Variants in SF3B1 observed in about 807,000 individuals in gnomAD.
The protein encoded by SF3B1 is splicing factor 3b subunit 1.
Under a neutral mutation model 153.8 loss-of-function variants are expected in SF3B1, and 12 were observed. The ratio of observed to expected loss-of-function variants is 0.08; its 90% CI spans 0.05 to 0.13. SF3B1 has a LOEUF of 0.13. Ranked by LOEUF, SF3B1 falls within the 10% of genes least tolerant of loss-of-function variation. The pLI is 1.00. For missense variants in SF3B1, 513 were observed against 1,606.1 expected, an observed-to-expected ratio of 0.32 and a Z score of 11.63; for synonymous variants, 498 against 525.2, an observed-to-expected ratio of 0.95 and a Z score of 0.71.
At chr2:197,398,663 T>C (rs2084902931) in intron 20 of SF3B1, 82 bp from the exon 21 acceptor site, 2 of 1,256,064 alleles carry the variant, frequency 1.6e-6, no homozygotes, top group South Asian at 1.3e-5. Context: ...ATGTCATATA[T>C]GACTATGTAT....
rs778101685 is a variant in SF3B1, at chr2:197,405,142, C to T, written c.1473G>A (p.Glu491=). 6.2e-7 allele frequency: 1 copy of T among 1,611,604 alleles called. No homozygotes were observed. The highest frequency in any genetic ancestry group is 2.2e-5 in the East Asian group (1 of 44,788). The part of the protein sequence containing the change: ...DVDESTLSPE[E]QKERKIMKLL... ...ACTTCATTATTTTTCTCTCTTTTTGCTCTTCTGGACTAAGTGTTGATTCAT... is the reference window on the plus strand; with the variant it reads ...ACTTCATTATTTTTCTCTCTTTTTGTTCTTCTGGACTAAGTGTTGATTCAT... The change falls in exon 11 of 25, where the codon GAG becomes GAA. Residue 491 remains glutamate (E), a synonymous_variant. Coordinates refer to ENST00000335508, the MANE Select transcript of SF3B1 (RefSeq NM_012433.4).
chr2:197,407,124 A>G (rs967995315), intron 9 of SF3B1, among the ~76,000 whole-genome samples: 2 of 152,062 alleles, frequency 1.3e-5, no homozygotes, highest in Admixed American at 1.3e-4. Flanking sequence ...ATACTCATGA[A>G]CTGTTAAAAA....
intron 5 of SF3B1, among the ~76,000 whole-genome samples, chr2:197,417,138 T>C (rs2085159682): frequency 6.6e-6 from 1 of 152,188 alleles, no homozygotes; most frequent in African/African-American, 2.4e-5. Flanking sequence ...ATTCGTAACA[T>C]AGCACACTGT....
chr2:197,432,827 C>T (rs1044705252), intron 1 of SF3B1, among the ~76,000 whole-genome samples: 3 of 152,022 alleles, frequency 2.0e-5, no homozygotes, highest in African/African-American at 4.8e-5. Context: ...GATTGCACCA[C>T]TGCACTTCTG....
Position 197,403,945 on chromosome 2 carries a change from T to C in SF3B1, c.1540-181A>G, listed in dbSNP as rs77199573. Among the ~76,000 whole-genome samples the C allele has an allele frequency of 6.0e-3, 914 of 152,350 alleles. 4 individuals are homozygous for C. Among genetic ancestry groups the C allele is most frequent in the African/African-American group, 0.021 (872 of 41,572 alleles). On this transcript the variant is annotated intron_variant, in intron 11 of 24. Coordinates refer to ENST00000335508, the MANE Select transcript of SF3B1 (RefSeq NM_012433.4). ...TACTCTGGAATTTCAATTCCTGTGA[T>C]AGAAATTTTATGTTAACTCAAAAGA...
rs2085345872 is a variant in SF3B1, at chr2:197,426,948, A to T, written c.29-2974T>A. 3.9e-5 allele frequency among the ~76,000 whole-genome samples: 6 copies of T among 152,304 alleles called. No individual in the cohort carries two copies. In the South Asian group the frequency reaches 1.2e-3, roughly 32 times the overall value. On this transcript the variant is annotated intron_variant, in intron 1 of 24. Transcript: ENST00000335508. ...ACTTGCTTTTTCCCCCTTATCAGGC[A>T]TCTCTCTTATTTTCCATCTAAACAA...
intron 6 of SF3B1, among the ~76,000 whole-genome samples, chr2:197,414,337 G>T (rs2085116417): frequency 6.6e-6 from 1 of 152,164 alleles, no homozygotes; most frequent in African/African-American, 2.4e-5. Context: ...GGTACATAAA[G>T]ACAAGAATGA....
intron 6 of SF3B1, among the ~76,000 whole-genome samples, chr2:197,412,455 A>C (rs1463962138): frequency 2.0e-5 from 3 of 151,526 alleles, no homozygotes; most frequent in Admixed American, 2.0e-4. Flanking sequence ...TCCCGGGTTC[A>C]AGCGATTCTC....
intron 22 of SF3B1, 155 bp downstream of exon 22, chr2:197,397,830 C>T: frequency 2.0e-6 from 1 of 497,052 alleles, no homozygotes; most frequent in Non-Finnish European, 3.5e-6. Flanking sequence ...CAATACATTC[C>T]AATAATCAGA....
Position 197,393,618 on chromosome 2 carries a change from A to G in SF3B1, c.3540-430T>C, listed in dbSNP as rs567657542. On this transcript the variant is annotated intron_variant, in intron 23 of 24. Coordinates refer to ENST00000335508, the MANE Select transcript of SF3B1 (RefSeq NM_012433.4). ...CAGGTGTGTGCCACCACGCCTGCCT[A>G]ATTTTTGTATTTTTAGTAGAGACAG... 8.6e-5 allele frequency among the ~76,000 whole-genome samples: 13 copies of G among 151,876 alleles called. No individual in the cohort carries two copies. In the East Asian group the frequency reaches 2.1e-3, roughly 25 times the overall value.
At chr2:197,423,668 G>A in intron 2 of SF3B1, 140 bp downstream of exon 2, 1 of 719,738 alleles carries the variant, frequency 1.4e-6, no homozygotes, top group Non-Finnish European at 2.3e-6. Flanking sequence ...ACCTTAGAGA[G>A]GATACCTCCA....
intron 6 of SF3B1, among the ~76,000 whole-genome samples, chr2:197,410,347 C>T (rs979277833): frequency 6.6e-6 from 1 of 152,076 alleles, no homozygotes; most frequent in African/African-American, 2.4e-5. Context: ...CGAAGGCTTT[C>T]AGCTCTAATT....
At position 197,392,130 on chromosome 2, in the gene SF3B1, T is replaced by G; in HGVS notation, c.*173A>C. The G allele has an allele frequency of 2.2e-6, 1 of 447,654 alleles. No individual in the cohort carries two copies. The allele number at this position is 447,654 out of a possible 1,614,324, so 27.7% of individuals were successfully genotyped here. On this transcript the variant is annotated 3_prime_UTR_variant, in exon 25 of 25. Transcript: ENST00000335508. ...TCTTGGTCACTACTGGCATTTACTGTTTAACATCAAAAACAAAGACAGGTT... is the reference window on the plus strand; with the variant it reads ...TCTTGGTCACTACTGGCATTTACTGGTTAACATCAAAAACAAAGACAGGTT...
At chr2:197,433,927 T>C (rs1258444901) in intron 1 of SF3B1, among the ~76,000 whole-genome samples, 1 of 152,198 alleles carries the variant, frequency 6.6e-6, no homozygotes, top group Non-Finnish European at 1.5e-5. Flanking sequence ...AATCATTCCG[T>C]TACCCAGGTT....
intron 3 of SF3B1, among the ~76,000 whole-genome samples, chr2:197,420,814 T>C (rs942513877): frequency 1.3e-5 from 2 of 152,026 alleles, no homozygotes; most frequent in African/African-American, 2.4e-5. Context: ...ACTTGGGAGG[T>C]TGAGACAGGA....
chr2:197,410,744 T>TC (rs1446614586), intron 6 of SF3B1, among the ~76,000 whole-genome samples: 1 of 152,112 alleles, frequency 6.6e-6, no homozygotes, highest in Non-Finnish European at 1.5e-5. Context: ...GACCTCGTGA[T>TC]CCACCCACCT....
Position 197,403,759 on chromosome 2 carries a change from T to G in SF3B1, c.1545A>C (p.Ala515=). The change falls in exon 12 of 25, where the codon GCA becomes GCC. Residue 515 remains alanine (A), a synonymous_variant. Coordinates refer to ENST00000335508, the MANE Select transcript of SF3B1 (RefSeq NM_012433.4). ...KNGTPPMRKA[A]LRQITDKARE... ...GAGCTTTATCAGTAATCTGACGCAA[T>G]GCAGCCTGGGAAAAAGAGCAGAGTA... 3 of 1,582,918 alleles carry G rather than the reference T, an allele frequency of 1.9e-6. No homozygotes were observed. Among genetic ancestry groups the G allele is most frequent in the Non-Finnish European group, 2.6e-6 (3 of 1,170,446 alleles).
chr2:197,408,628 AAAT>A (rs772020599), intron 7 of SF3B1, 47 bp from the exon 8 acceptor site: 19 of 1,183,976 alleles, frequency 1.6e-5, no homozygotes, highest in Non-Finnish European at 2.4e-5. Flanking sequence ...ATCACTGTTA[AAAT>A]AATATTCTTT....
Position 197,401,938 on chromosome 2 carries a change from G to C in SF3B1, c.2223+47C>G, listed in dbSNP as rs369358283. On this transcript the variant is annotated intron_variant, in intron 15 of 24. Transcript: ENST00000335508. The surrounding 1 kb of genome is among the most constrained non-coding windows in gnomAD (Gnocchi z 4.2). ...TACTTTAGTAATTTAGATTTATGTCGCCTTAACTTTAATGAAGATAAATCA... is the reference window on the plus strand; with the variant it reads ...TACTTTAGTAATTTAGATTTATGTCCCCTTAACTTTAATGAAGATAAATCA... 6.3e-7 allele frequency: 1 copy of C among 1,595,270 alleles called. No individual in the cohort carries two copies. Among genetic ancestry groups the C allele is most frequent in the Middle Eastern group, 1.7e-4 (1 of 6,002 alleles).
Sources: gnomAD v4.1 joint callset for allele counts (sites outside exome capture counted in the v4.1 genomes callset) on GRCh38, gnomAD v4.1.1 for gene constraint, Gnocchi (gnomAD v3.1) non-coding constraint, MANE v1.5 for transcripts, NCBI Gene and HGNC (gene_info 2026-07-23, HGNC 2026-07-21) for gene names.